The following CLIC4 variants were observed in gnomAD, a reference collection of about 807,000 sequenced individuals.
The protein encoded by CLIC4 is chloride intracellular channel protein 4.
CLIC4 carries 13 observed loss-of-function variants against 24.6 expected under a neutral mutation model. That is an observed-to-expected ratio of 0.53 (90% confidence interval 0.34 to 0.84). CLIC4 has a LOEUF of 0.84. Ranked by LOEUF, CLIC4 falls within the 40% of genes least tolerant of loss-of-function variation. The probability of loss-of-function intolerance (pLI) is 0.01; values close to 1 mark genes in which losing one functional copy is unlikely to be tolerated. For missense variants in CLIC4, 227 were observed against 301.7 expected, an observed-to-expected ratio of 0.75 and a Z score of 1.83; for synonymous variants, 104 against 111.3, an observed-to-expected ratio of 0.93 and a Z score of 0.41.
rs182428040 is a variant in CLIC4 at position 24,785,585 on chromosome 1, G to A, written c.73-12157G>A. 7.8e-4 allele frequency among the ~76,000 whole-genome samples: 119 copies of A among 152,206 alleles called. No homozygotes were observed. The East Asian group carries it at 0.02, about 25-fold the overall frequency. ...TCTGAAGAAATAGGCTGGGCGCGGC[G>A]GCTCACGCCTGTAGTCCCAGCACTT... On this transcript the variant is annotated intron_variant, in intron 1 of 5. Transcript: ENST00000374379.
At chr1:24,781,756 A>C (rs568054361) in intron 1 of CLIC4, among the ~76,000 whole-genome samples, 3 of 151,166 alleles carry the variant, frequency 2.0e-5, no homozygotes, top group Admixed American at 6.6e-5. Context: ...CTTTAAGGGA[A>C]TCTCCTGCCT....
intron 5 of CLIC4, 101 bp downstream of exon 5, chr1:24,840,142 T>A: frequency 1.8e-6 from 2 of 1,142,364 alleles, no homozygotes; most frequent in Non-Finnish European, 2.5e-6. Flanking sequence ...TTTATATGAC[T>A]AGTTGTTTAA....
At chr1:24,747,548 A>G (rs1379665148) in intron 1 of CLIC4, among the ~76,000 whole-genome samples, 6 of 150,502 alleles carry the variant, frequency 4.0e-5, no homozygotes, top group African/African-American at 9.8e-5. Context: ...AAAAAAAAAA[A>G]AAAGAAAGAA....
At chr1:24,781,504 A>T (rs1639205284) in intron 1 of CLIC4, among the ~76,000 whole-genome samples, 1 of 151,660 alleles carries the variant, frequency 6.6e-6, no homozygotes, top group Non-Finnish European at 1.5e-5. Context: ...GGCAGTGATC[A>T]TTTCAGGGAG....
intron 4 of CLIC4, among the ~76,000 whole-genome samples, chr1:24,829,961 C>T (rs1211922800): frequency 1.3e-5 from 2 of 152,112 alleles, no homozygotes; most frequent in Admixed American, 1.3e-4. Flanking sequence ...TATAAGGTTA[C>T]CCTTTATTAA....
At chr1:24,839,720 C>A in intron 4 of CLIC4, 140 bp from the exon 5 acceptor site, 1 of 675,234 alleles carries the variant, frequency 1.5e-6, no homozygotes. Context: ...GAGCAGGAGC[C>A]TTGTCTGTTT....
rs1249922062 is a variant in CLIC4 at position 24,768,425 on chromosome 1, C to T, written c.72+22800C>T. Among the ~76,000 whole-genome samples the T allele has an allele frequency of 2.0e-5, 3 of 152,042 alleles. No individual in the cohort carries two copies. In the East Asian group the frequency reaches 5.8e-4, roughly 29 times the overall value. On this transcript the variant is annotated intron_variant, in intron 1 of 5. Transcript: ENST00000374379. ...ATATTTTTAACACATCTACATTTCT[C>T]TTAAAGAGAAGAGATTAAGCTCTTT...
intron 3 of CLIC4, among the ~76,000 whole-genome samples, chr1:24,816,788 G>C (rs1309183306): frequency 6.6e-6 from 1 of 152,214 alleles, no homozygotes; most frequent in Non-Finnish European, 1.5e-5. Flanking sequence ...TCAATGAGCA[G>C]TAATATTTAG....
chr1:24,773,140 TTTTTTCA>T (rs1639092653), intron 1 of CLIC4, among the ~76,000 whole-genome samples: 1 of 152,216 alleles, frequency 6.6e-6, no homozygotes, highest in African/African-American at 2.4e-5. Context: ...GTAATCTCTC[TTTTTTCA>T]CACTTCACCT....
chr1:24,826,941 G>A, intron 3 of CLIC4, 69 bp from the exon 4 acceptor site: 1 of 1,009,092 alleles, frequency 9.9e-7, no homozygotes, highest in Non-Finnish European at 1.5e-6. Flanking sequence ...TGCTAGCATG[G>A]TGGTTTGAGA....
intron 1 of CLIC4, among the ~76,000 whole-genome samples, chr1:24,781,691 G>A (rs1239403514): frequency 1.3e-5 from 2 of 149,938 alleles, no homozygotes; most frequent in Non-Finnish European, 1.5e-5. Flanking sequence ...TTTTAAAGAC[G>A]GAGTCTCGCA....
chr1:24,789,992 G>A (rs1182388206), intron 1 of CLIC4, among the ~76,000 whole-genome samples: 4 of 152,216 alleles, frequency 2.6e-5, no homozygotes, highest in Non-Finnish European at 5.9e-5. Flanking sequence ...AAAGGAGAAG[G>A]GAGATGGCAC....
chr1:24,780,003 A>G (rs1342677549), intron 1 of CLIC4, among the ~76,000 whole-genome samples: 2 of 152,180 alleles, frequency 1.3e-5, no homozygotes, highest in African/African-American at 2.4e-5. Context: ...CTTCAGTGGT[A>G]TCCTGTTACC....
chr1:24,771,926 T>C (rs1432734802), intron 1 of CLIC4: 2 of 490,920 alleles, frequency 4.1e-6, no homozygotes, highest in Non-Finnish European at 8.1e-6. Context: ...CAGTCCAGTT[T>C]GTATTATTTT....
At chr1:24,839,565 C>T (rs1639920447) in intron 4 of CLIC4, among the ~76,000 whole-genome samples, 1 of 152,218 alleles carries the variant, frequency 6.6e-6, no homozygotes, top group Non-Finnish European at 1.5e-5. Flanking sequence ...TCCCAAAGTG[C>T]TGGGATTACA....
At chr1:24,796,212 T>C (rs1639398149) in intron 1 of CLIC4, among the ~76,000 whole-genome samples, 1 of 152,122 alleles carries the variant, frequency 6.6e-6, no homozygotes, top group African/African-American at 2.4e-5. Context: ...TTTTTTGAGA[T>C]GGAGTCTTGC....
At chr1:24,767,024 T>TA (rs34142565) in intron 1 of CLIC4, among the ~76,000 whole-genome samples, 3,819 of 70,968 alleles carry the variant, frequency 0.054, 242 homozygotes, top group African/African-American at 0.19. Context: ...GCTGATGAGC[T>TA]AAAAAAAAAA....
intron 1 of CLIC4, among the ~76,000 whole-genome samples, chr1:24,753,426 T>TG (rs1207929248): frequency 2.0e-5 from 3 of 152,068 alleles, no homozygotes; most frequent in Non-Finnish European, 4.4e-5. Context: ...AAGAGTCAAG[T>TG]GGGGCTCACA....
At chr1:24,821,577 C>T (rs1433445126) in intron 3 of CLIC4, among the ~76,000 whole-genome samples, 2 of 152,032 alleles carry the variant, frequency 1.3e-5, no homozygotes, top group African/African-American at 2.4e-5. Context: ...GACAGGGTCT[C>T]ACTCCTTGCT....
Sources: allele counts gnomAD v4.1 joint callset (sites outside exome capture counted in the v4.1 genomes callset), GRCh38; gene constraint gnomAD v4.1.1; transcripts MANE v1.5; gene names NCBI Gene and HGNC (gene_info 2026-07-23, HGNC 2026-07-21).